The following PRKD3 variants were observed in gnomAD, a reference collection of about 807,000 sequenced individuals.
PRKD3 encodes the protein protein kinase D3.
In PRKD3, 47 loss-of-function variants were observed where a neutral mutation model predicts 99.2. That is an observed-to-expected ratio of 0.47 (90% CI 0.38 to 0.60). PRKD3 has a LOEUF of 0.60. PRKD3 is among the 20% of genes least tolerant of loss of function. PRKD3 has a pLI of 0.00. For missense variants in PRKD3, 1,019 were observed against 1,088.4 expected (o/e 0.94, Z 0.90); for synonymous variants, 392 against 355.4 (o/e 1.10, Z -1.16).
Position 37,251,166 on chromosome 2 carries a change from A to G in PRKD3, c.*2011T>C, listed in dbSNP as rs1256144490. ...CAGACTTTGGTGAAACTGGGAAGTCATCCTCTATCACAGGGAAAATAACAT... is the reference window on the plus strand; with the variant it reads ...CAGACTTTGGTGAAACTGGGAAGTCGTCCTCTATCACAGGGAAAATAACAT... On this transcript the variant is annotated 3_prime_UTR_variant, in exon 19 of 19. Coordinates refer to ENST00000234179, the MANE Select transcript of PRKD3 (RefSeq NM_005813.6). 6.6e-6 allele frequency: 1 copy of G among 152,630 alleles called. No individual in the cohort carries two copies. Among genetic ancestry groups the G allele is most frequent in the African/African-American group, 2.4e-5 (1 of 41,454 alleles). The allele number at this position is 152,630 out of a possible 1,614,324, so 9.5% of individuals were successfully genotyped here.
intron 14 of PRKD3, among the ~76,000 whole-genome samples, chr2:37,263,373 G>A (rs994103825): frequency 2.0e-5 from 3 of 152,152 alleles, no homozygotes; most frequent in African/African-American, 7.2e-5. Context: ...TTATACGACT[G>A]CTTTTTTGAA....
At chr2:37,298,378 T>C (rs1670764967) in intron 2 of PRKD3, among the ~76,000 whole-genome samples, 1 of 151,656 alleles carries the variant, frequency 6.6e-6, no homozygotes, top group Non-Finnish European at 1.5e-5. Flanking sequence ...TTTTTTCACT[T>C]AGCAATATAG....
chr2:37,320,980 G>A (rs1174719396), intron 1 of PRKD3, among the ~76,000 whole-genome samples: 4 of 152,066 alleles, frequency 2.6e-5, no homozygotes, highest in East Asian at 1.9e-4. Flanking sequence ...TTGGTTTATG[G>A]ACCCCAGATT....
In PRKD3 at chr2:37,286,221, T is replaced by C. The variant is rs139649661; in HGVS notation, c.866A>G (p.Lys289Arg). The C allele has an allele frequency of 2.9e-3, 4,667 of 1,613,984 alleles. 14 individuals carry two copies. The highest frequency in any genetic ancestry group is 3.0e-3 in the Non-Finnish European group (3,483 of 1,179,878). ...GCGAAAGAGGCCTTTCAGTAACCGCTTGCAGTACTGACATATCGTGGGACG... is the reference window on the plus strand; with the variant it reads ...GCGAAAGAGGCCTTTCAGTAACCGCCTGCAGTACTGACATATCGTGGGACG... ...YTRPTICQYC[K>R]RLLKGLFRQG... Residue 289 changes from lysine (K) to arginine (R), a missense_variant, in exon 6 of 19, where the codon AAG becomes AGG. By Grantham distance (26) the Lys-to-Arg change is conservative. Transcript: ENST00000234179.
At chr2:37,261,032 C>G (rs1390547153) in intron 14 of PRKD3, among the ~76,000 whole-genome samples, 1 of 152,188 alleles carries the variant, frequency 6.6e-6, no homozygotes, top group African/African-American at 2.4e-5. Flanking sequence ...TGAAGTCAGC[C>G]TTGCTCAAAC....
At position 37,316,904 on chromosome 2, in the gene PRKD3, A is replaced by T; in HGVS notation, c.-380T>A. 5 of 1,009,572 alleles carry T rather than the reference A, an allele frequency of 5.0e-6. No homozygotes were observed. Among genetic ancestry groups the T allele is most frequent in the Non-Finnish European group, 5.9e-6 (5 of 845,504 alleles). The allele number at this position is 1,009,572 out of a possible 1,614,324, so 62.5% of individuals were successfully genotyped here. On this transcript the variant is annotated 5_prime_UTR_variant, in exon 2 of 19. Coordinates refer to ENST00000234179, the MANE Select transcript of PRKD3 (RefSeq NM_005813.6). ...TTTCAGGAAATACATATTGAATAAA[A>T]GTTGTTTTTCTGTCAAGGTGAAATC...
chr2:37,278,275 T>C (rs750022636), intron 8 of PRKD3: 5 of 198,594 alleles, frequency 2.5e-5, no homozygotes, highest in Non-Finnish European at 5.1e-5. Flanking sequence ...CCTCCCAAAC[T>C]GGAATATTTG....
In PRKD3 at chr2:37,316,797, A is replaced by T. The variant is rs1351950940; in HGVS notation, c.-273T>A. On this transcript the variant is annotated 5_prime_UTR_variant, in exon 2 of 19. Coordinates refer to ENST00000234179, the MANE Select transcript of PRKD3 (RefSeq NM_005813.6). ...AGGGATTTGTAAAGGATTTAACATCACTGAGCTATCCTCAGCAGGATAGAG... is the reference window on the plus strand; with the variant it reads ...AGGGATTTGTAAAGGATTTAACATCTCTGAGCTATCCTCAGCAGGATAGAG... The T allele has an allele frequency of 7.8e-7, 1 of 1,285,150 alleles. No individual in the cohort carries two copies. Among genetic ancestry groups the T allele is most frequent in the Non-Finnish European group, 9.9e-7 (1 of 1,014,632 alleles). 79.6% of individuals were successfully genotyped at this position (1,285,150 alleles called of 1,614,324 possible).
At chr2:37,269,437 C>T in intron 13 of PRKD3, 178 bp downstream of exon 13, 1 of 596,986 alleles carries the variant, frequency 1.7e-6, no homozygotes, top group Middle Eastern at 3.9e-4. Context: ...TTTGCAATGA[C>T]ATTAAGGGAA....
intron 4 of PRKD3, among the ~76,000 whole-genome samples, chr2:37,289,976 T>A (rs555943842): frequency 1.2e-4 from 18 of 152,338 alleles, no homozygotes; most frequent in Non-Finnish European, 2.5e-4. Flanking sequence ...TAAATAAAGT[T>A]TTATTGGAAC....
chr2:37,276,188 T>C (rs1033825235), intron 9 of PRKD3, among the ~76,000 whole-genome samples: 6 of 152,112 alleles, frequency 3.9e-5, no homozygotes, highest in African/African-American at 1.4e-4. Flanking sequence ...GCTATATTTC[T>C]AGAAGTTGAT....
chr2:37,287,668 C>T (rs1217052209), intron 5 of PRKD3, among the ~76,000 whole-genome samples: 1 of 151,938 alleles, frequency 6.6e-6, no homozygotes, highest in African/African-American at 2.4e-5. Context: ...ATTTTGTGTC[C>T]CTAGTATATA....
chr2:37,259,820 G>C, intron 15 of PRKD3, 139 bp from the exon 16 acceptor site: 1 of 619,104 alleles, frequency 1.6e-6, no homozygotes, highest in East Asian at 2.8e-5. Flanking sequence ...TGCTCCTTAA[G>C]GTTAACAATT....
intron 15 of PRKD3, 70 bp from the exon 16 acceptor site, chr2:37,259,751 T>G: frequency 9.4e-7 from 1 of 1,067,160 alleles, no homozygotes; most frequent in Admixed American, 2.0e-5. Flanking sequence ...ACTCCTTGAA[T>G]GATTTAATTT....
chr2:37,296,353 G>A (rs2124855750), intron 2 of PRKD3, among the ~76,000 whole-genome samples: 1 of 152,160 alleles, frequency 6.6e-6, no homozygotes, highest in Admixed American at 6.5e-5. Flanking sequence ...AGACTTAAAA[G>A]CTTGTAAAGA....
chr2:37,289,878 C>T (rs1670317298), intron 4 of PRKD3, among the ~76,000 whole-genome samples: 1 of 152,196 alleles, frequency 6.6e-6, no homozygotes, highest in Admixed American at 6.5e-5. Context: ...GAACCACTGC[C>T]TTAAAGCACT....
intron 1 of PRKD3, among the ~76,000 whole-genome samples, chr2:37,318,261 A>C (rs1671745972): frequency 1.3e-5 from 2 of 152,248 alleles, no homozygotes. Flanking sequence ...GAAAGCTTTC[A>C]TAGCTACTTT....
chr2:37,311,905 T>TTAC (rs1671441533), intron 2 of PRKD3, among the ~76,000 whole-genome samples: 1 of 152,168 alleles, frequency 6.6e-6, no homozygotes, highest in African/African-American at 2.4e-5. Context: ...AACCTCCTAG[T>TTAC]TACTCTCCAG....
At chr2:37,270,901 C>G (rs1000641386) in intron 12 of PRKD3, among the ~76,000 whole-genome samples, 2 of 152,142 alleles carry the variant, frequency 1.3e-5, no homozygotes, top group African/African-American at 2.4e-5. Flanking sequence ...TCCTTTTCCC[C>G]CATGACATGG....
Sources: gnomAD v4.1 joint callset for allele counts (sites outside exome capture counted in the v4.1 genomes callset) on GRCh38, gnomAD v4.1.1 for gene constraint, MANE v1.5 for transcripts, NCBI Gene and HGNC (gene_info 2026-07-23, HGNC 2026-07-21) for gene names.